Variants in LHX9 observed in about 807,000 individuals in gnomAD.
LHX9 encodes the protein LIM/homeobox protein Lhx9.
In LHX9, 9 loss-of-function variants were observed where a neutral mutation model predicts 36.5. The observed-to-expected ratio is 0.25, with a 90% CI of 0.15 to 0.43. The LOEUF is 0.43. Among genes scored for constraint, LHX9 ranks in the 20% least tolerant of loss-of-function variants. The pLI, the probability that LHX9 is intolerant of heterozygous loss-of-function variation, is 1.00. For synonymous variants in LHX9, 211 were observed against 212.1 expected (o/e 0.99, Z 0.04); for missense variants, 464 against 526.4 (o/e 0.88, Z 1.16).
chr1:197,920,100 T>C lies in LHX9; in HGVS notation c.303T>C (p.Cys101=), dbSNP rs1421341439. The part of the protein sequence containing the change: ...WHLRCLKCCE[C]KLALESELTC... Reference sequence around the variant, plus strand: ...TGAGATGCCTGAAGTGCTGTGAATGTAAGCTGGCCCTCGAGTCCGAGCTCA... The same window carrying C: ...TGAGATGCCTGAAGTGCTGTGAATGCAAGCTGGCCCTCGAGTCCGAGCTCA... The change falls in exon 2 of 5, where the codon TGT becomes TGC. Residue 101 remains cysteine, a synonymous_variant. Transcript: ENST00000367387. 1 of 1,614,252 alleles carries C rather than the reference T, an allele frequency of 6.2e-7. No homozygotes were observed. The highest frequency in any genetic ancestry group is 1.7e-5 in the Admixed American group (1 of 60,032).
intron 4 of LHX9, among the ~76,000 whole-genome samples, chr1:197,928,009 C>A (rs1278552967): frequency 6.6e-6 from 1 of 152,224 alleles, no homozygotes; most frequent in East Asian, 1.9e-4. Context: ...CAGCCACATT[C>A]TCTCTACATA....
At position 197,923,217 on chromosome 1, in the gene LHX9, C is replaced by T. The variant is rs757089733; in HGVS notation, c.733+1558C>T. On this transcript the variant is annotated intron_variant, in intron 3 of 4. Coordinates refer to ENST00000367387, the MANE Select transcript of LHX9 (RefSeq NM_020204.3). ...GGGCTGCTGGACGAAAAGAAAAGGA[C>T]CTGCCGGCTCACTGCAAATCTCACC... Among the ~76,000 whole-genome samples the T allele has an allele frequency of 5.5e-4, 83 of 152,218 alleles. 1 individual carries two copies. Among genetic ancestry groups the T allele is most frequent in the Admixed American group, 5.2e-4 (8 of 15,290 alleles).
rs1299403775 is a variant in LHX9 at position 197,917,773 on chromosome 1, G to T, written c.-51G>T. The T allele has an allele frequency of 6.2e-7, 1 of 1,613,630 alleles. No individual in the cohort carries two copies. The highest frequency in any genetic ancestry group is 8.5e-7 in the Non-Finnish European group (1 of 1,179,818). On this transcript the variant is annotated 5_prime_UTR_variant, in exon 1 of 5. Transcript: ENST00000367387. ...GCGCTCCTACAGGGCAGCCCTCTCT[G>T]GTCCCTTGCCTCCTTCACTCGGATG...
intron 3 of LHX9, among the ~76,000 whole-genome samples, chr1:197,925,505 A>G (rs1411521916): frequency 1.5e-5 from 2 of 135,740 alleles, no homozygotes; most frequent in Non-Finnish European, 3.1e-5. Context: ...GAACCCTCCG[A>G]TGACTAACAT....
At chr1:197,926,030 C>A (rs1660132756) in intron 3 of LHX9, among the ~76,000 whole-genome samples, 2 of 152,152 alleles carry the variant, frequency 1.3e-5, no homozygotes, top group South Asian at 4.1e-4. Flanking sequence ...GAAATACAAA[C>A]AAAGGAGACA....
Position 197,930,103 on chromosome 1 carries a change from C to A in LHX9, c.*844C>A. The A allele has an allele frequency of 2.1e-6, 2 of 947,564 alleles. No individual in the cohort carries two copies. The highest frequency in any genetic ancestry group is 2.5e-6 in the Non-Finnish European group (2 of 795,588). The allele number at this position is 947,564 out of a possible 1,614,324, so 58.7% of individuals were successfully genotyped here. A position where few individuals can be genotyped will look rare whatever the true frequency, so the allele number is the denominator to read the frequency against. On this transcript the variant is annotated 3_prime_UTR_variant, in exon 5 of 5. Transcript: ENST00000367387. ...TTTTCCCAGGGAAAATGGAAATAAG[C>A]AAAATATAATGTTTTAAGAAGTAAA...
intron 3 of LHX9, among the ~76,000 whole-genome samples, chr1:197,923,552 G>GT (rs150358936): frequency 0.017 from 2,586 of 151,394 alleles, 82 homozygotes; most frequent in African/African-American, 0.059. Context: ...AAACTAGTGA[G>GT]TTTTTTTTTG....
chr1:197,926,506 C>T (rs1308053018), intron 3 of LHX9, among the ~76,000 whole-genome samples: 1 of 152,192 alleles, frequency 6.6e-6, no homozygotes, highest in East Asian at 1.9e-4. Flanking sequence ...ATTTCCTATG[C>T]AGAGCCAGTA....
At chr1:197,918,578 G>A in intron 1 of LHX9, 1 of 574,010 alleles carries the variant, frequency 1.7e-6, no homozygotes, top group African/African-American at 1.9e-5. Context: ...ACAGCACTAC[G>A]TTTAGCGCCA....
Position 197,932,997 on chromosome 1 carries a change from G to T in LHX9, c.*3738G>T, listed in dbSNP as rs1255132840. The T allele has an allele frequency of 1.3e-5, 2 of 151,756 alleles. No individual in the cohort carries two copies. The highest frequency in any genetic ancestry group is 2.4e-5 in the African/African-American group (1 of 41,374). The allele number at this position is 151,756 out of a possible 1,614,324, so 9.4% of individuals were successfully genotyped here. A position where few individuals can be genotyped will look rare whatever the true frequency, so the allele number is the denominator to read the frequency against. On this transcript the variant is annotated 3_prime_UTR_variant, in exon 5 of 5. Coordinates refer to ENST00000367387, the MANE Select transcript of LHX9 (RefSeq NM_020204.3). The stretch of plus-strand genomic sequence containing the variant: ...TGAACTATAAAAAGATCCAATCTTT[G>T]CATAGTTCAATTACATATGATTATT...
chr1:197,919,613 T>C (rs904316358), intron 1 of LHX9, among the ~76,000 whole-genome samples: 3 of 152,264 alleles, frequency 2.0e-5, no homozygotes, highest in Non-Finnish European at 4.4e-5. Flanking sequence ...TTGTTTTATT[T>C]TGTGTGCGTC....
At chr1:197,918,262 G>C (rs1385348604) in intron 1 of LHX9, 2 of 716,308 alleles carry the variant, frequency 2.8e-6, no homozygotes, top group Admixed American at 2.0e-5. Flanking sequence ...GGTGGGATGG[G>C]GGGTGGTGGC....
intron 2 of LHX9, among the ~76,000 whole-genome samples, chr1:197,920,794 CT>C (rs1659957993): frequency 6.6e-6 from 1 of 152,176 alleles, no homozygotes; most frequent in African/African-American, 2.4e-5. Context: ...TGCAGGTGAC[CT>C]AGTTCCGCTC....
upstream of LHX9, chr1:197,915,879 C>G (rs1240403623): frequency 6.6e-6 from 1 of 152,230 alleles, no homozygotes; most frequent in African/African-American, 2.4e-5. Context: ...TCCCTCTCTC[C>G]CTCTCTCCCT....
intron 1 of LHX9, 78 bp from the exon 2 acceptor site, chr1:197,919,894 G>T: frequency 6.7e-7 from 1 of 1,489,296 alleles, no homozygotes; most frequent in Non-Finnish European, 9.2e-7. Context: ...CCTGGGCTTG[G>T]TCTGCCTGGG....
In LHX9 at chr1:197,934,617, CATTGAATTT is replaced by C. The variant is rs1385912914; in HGVS notation, c.*5359_*5367del. The C allele has an allele frequency of 6.6e-6, 1 of 152,084 alleles. No individual in the cohort carries two copies. Among genetic ancestry groups the C allele is most frequent in the African/African-American group, 2.4e-5 (1 of 41,430 alleles). The allele number at this position is 152,084 out of a possible 1,614,324, so 9.4% of individuals were successfully genotyped here. ...GACTTAGTCCAAATTGACGAAATAT[CATTGAATTT>C]TCTTTGAAAGCATATATATAGATAA... On this transcript the variant is annotated 3_prime_UTR_variant, in exon 5 of 5. Coordinates refer to ENST00000367387, the MANE Select transcript of LHX9 (RefSeq NM_020204.3).
chr1:197,919,898 G>C, intron 1 of LHX9, 74 bp from the exon 2 acceptor site: 1 of 1,519,948 alleles, frequency 6.6e-7, no homozygotes, highest in South Asian at 1.2e-5. Flanking sequence ...GGCTTGGTCT[G>C]CCTGGGGGAG....
upstream of LHX9, among the ~76,000 whole-genome samples, chr1:197,913,541 C>T (rs910052327): frequency 6.6e-6 from 1 of 152,176 alleles, no homozygotes; most frequent in Admixed American, 6.5e-5. Flanking sequence ...TCTCAGTCTC[C>T]ACTGTCTGGA....
rs1660406653 is a variant in LHX9, at chr1:197,934,621, G to T, written c.*5362G>T. Reference sequence around the variant, plus strand: ...TAGTCCAAATTGACGAAATATCATTGAATTTTCTTTGAAAGCATATATATA... The same window carrying T: ...TAGTCCAAATTGACGAAATATCATTTAATTTTCTTTGAAAGCATATATATA... On this transcript the variant is annotated 3_prime_UTR_variant, in exon 5 of 5. Transcript: ENST00000367387. The T allele has an allele frequency of 6.6e-6, 1 of 152,034 alleles. No homozygotes were observed. Among genetic ancestry groups the T allele is most frequent in the African/African-American group, 2.4e-5 (1 of 41,410 alleles). 9.4% of individuals were successfully genotyped at this position (152,034 alleles called of 1,614,324 possible).
Sources: allele counts gnomAD v4.1 joint callset (sites outside exome capture counted in the v4.1 genomes callset), GRCh38; gene constraint gnomAD v4.1.1; transcripts MANE v1.5; gene names NCBI Gene and HGNC (gene_info 2026-07-23, HGNC 2026-07-21).